The following RAB38 variants were observed in gnomAD, a reference collection of about 807,000 sequenced individuals.
RAB38 encodes RAB38, member RAS oncogene family.
In RAB38, 15 loss-of-function variants were observed where a neutral mutation model predicts 18.4. That is an observed-to-expected ratio of 0.82 (90% CI 0.55 to 1.26). The LOEUF (loss-of-function observed/expected upper bound fraction) is 1.26, where lower values mean the gene tolerates loss of function less well. Ranked by LOEUF, RAB38 falls within the 50% of genes most tolerant of loss-of-function variation. The probability of loss-of-function intolerance (pLI) is 0.00; values close to 1 mark genes in which losing one functional copy is unlikely to be tolerated. For missense variants in RAB38, 294 were observed against 267.4 expected (o/e 1.10, Z -0.69); for synonymous variants, 101 against 104.4 (o/e 0.97, Z 0.20).
the RAB38 span, among the ~76,000 whole-genome samples, chr11:87,936,391 T>C: frequency 6.6e-6 from 1 of 152,154 alleles, no homozygotes. Context: ...ACATCATTTA[T>C]TGAAAAAGTA....
the RAB38 span, among the ~76,000 whole-genome samples, chr11:88,036,829 A>C: frequency 6.6e-6 from 1 of 151,996 alleles, no homozygotes; most frequent in Non-Finnish European, 1.5e-5. Flanking sequence ...ATGAGTCTTT[A>C]ATCTCCAGAG....
At chr11:87,883,267 A>T in the RAB38 span, among the ~76,000 whole-genome samples, 1 of 151,878 alleles carries the variant, frequency 6.6e-6, no homozygotes, top group Non-Finnish European at 1.5e-5. Flanking sequence ...CTGTTAAACC[A>T]AGGAATTGGC....
the RAB38 span, among the ~76,000 whole-genome samples, chr11:87,935,168 TA>T: frequency 2.8e-3 from 429 of 152,208 alleles, 1 homozygote; most frequent in Non-Finnish European, 5.0e-3. Flanking sequence ...TACTGAAAGT[TA>T]AATATTAGAT....
At chr11:87,924,161 A>G in the RAB38 span, among the ~76,000 whole-genome samples, 2 of 152,030 alleles carry the variant, frequency 1.3e-5, no homozygotes, top group Non-Finnish European at 2.9e-5. Context: ...GTGACTGATG[A>G]GAGAAGGAAA....
chr11:87,855,859 T>C, the RAB38 span, among the ~76,000 whole-genome samples: 467 of 152,272 alleles, frequency 3.1e-3, 3 homozygotes, highest in African/African-American at 8.5e-3. Context: ...AGCCTTGGTA[T>C]TTTTTAAAAA....
intron 2 of RAB38, among the ~76,000 whole-genome samples, chr11:88,122,861 T>C (rs1942647552): frequency 6.6e-6 from 1 of 152,232 alleles, no homozygotes; most frequent in Non-Finnish European, 1.5e-5. Context: ...GGTACATCAT[T>C]GTCCCAAATA....
chr11:88,004,182 T>G, the RAB38 span, among the ~76,000 whole-genome samples: 6 of 149,520 alleles, frequency 4.0e-5, no homozygotes, highest in Non-Finnish European at 6.0e-5. Flanking sequence ...ACACACATCC[T>G]TCATGAATAC....
the RAB38 span, among the ~76,000 whole-genome samples, chr11:88,064,552 C>T: frequency 6.6e-6 from 1 of 152,166 alleles, no homozygotes; most frequent in Non-Finnish European, 1.5e-5. Context: ...ACACTCTCCC[C>T]ACGTCAGAGT....
At chr11:88,156,598 A>G (rs976022167) in intron 1 of RAB38, among the ~76,000 whole-genome samples, 1 of 152,130 alleles carries the variant, frequency 6.6e-6, no homozygotes, top group Non-Finnish European at 1.5e-5. Flanking sequence ...GCTACTTGGG[A>G]GGCTGAGGCA....
chr11:88,125,570 A>G (rs1942685065), intron 2 of RAB38, among the ~76,000 whole-genome samples: 1 of 151,922 alleles, frequency 6.6e-6, no homozygotes, highest in Non-Finnish European at 1.5e-5. Flanking sequence ...AGAAAGACTC[A>G]GAACTTGTGA....
intron 1 of RAB38, chr11:88,174,254 C>A (rs373604025): frequency 8.7e-6 from 2 of 229,136 alleles, no homozygotes; most frequent in Non-Finnish European, 1.4e-5. Context: ...GTTGGTCATG[C>A]GCAGGTTGCA....
the RAB38 span, among the ~76,000 whole-genome samples, chr11:87,809,690 GA>G: frequency 2.0e-5 from 3 of 151,408 alleles, no homozygotes; most frequent in Non-Finnish European, 1.5e-5. Context: ...TGAAAGCTCT[GA>G]AAAAAAAATA....
chr11:87,934,237 G>A, the RAB38 span, among the ~76,000 whole-genome samples: 2 of 151,960 alleles, frequency 1.3e-5, no homozygotes, highest in Non-Finnish European at 2.9e-5. Context: ...TGACTAAAAG[G>A]TAAATCCATG....
the RAB38 span, among the ~76,000 whole-genome samples, chr11:87,921,545 C>A: frequency 0.036 from 5,379 of 148,200 alleles, 111 homozygotes; most frequent in Non-Finnish European, 0.04. Context: ...AAATCTCTCT[C>A]TATATATAAA....
At chr11:88,159,359 C>G (rs1165561653) in intron 1 of RAB38, among the ~76,000 whole-genome samples, 1 of 151,610 alleles carries the variant, frequency 6.6e-6, no homozygotes, top group Non-Finnish European at 1.5e-5. Context: ...AAAAAACATT[C>G]CAAGCTCATA....
the RAB38 span, among the ~76,000 whole-genome samples, chr11:88,027,509 A>T: frequency 2.6e-5 from 4 of 151,850 alleles, no homozygotes; most frequent in African/African-American, 4.8e-5. Flanking sequence ...AAATTGGGTC[A>T]CTCCCACCTG....
chr11:88,174,523 A>T (rs1301972555), intron 1 of RAB38, among the ~76,000 whole-genome samples: 2 of 151,328 alleles, frequency 1.3e-5, no homozygotes, highest in African/African-American at 4.8e-5. Context: ...TAGAAGACAG[A>T]GAGCCAGAGA....
the RAB38 span, among the ~76,000 whole-genome samples, chr11:87,810,490 C>T: frequency 1.3e-5 from 2 of 152,118 alleles, no homozygotes; most frequent in Non-Finnish European, 2.9e-5. Context: ...TACCAATAAT[C>T]CCTATTATTT....
the RAB38 span, among the ~76,000 whole-genome samples, chr11:87,828,465 G>A: frequency 1.4e-4 from 22 of 152,246 alleles, no homozygotes; most frequent in East Asian, 4.1e-3. Context: ...AATCTGTACT[G>A]CAGACAATGG....
Sources: gnomAD v4.1 joint callset for allele counts (sites outside exome capture counted in the v4.1 genomes callset) on GRCh38, gnomAD v4.1.1 for gene constraint, MANE v1.5 for transcripts, NCBI Gene and HGNC (gene_info 2026-07-23, HGNC 2026-07-21) for gene names.